SLC4A4: variants seen among roughly 807,000 people sequenced by gnomAD.
SLC4A4 encodes electrogenic sodium bicarbonate cotransporter 1.
In SLC4A4, 27 loss-of-function variants were observed where a neutral mutation model predicts 111.5. The ratio of observed to expected loss-of-function variants is 0.24; its 90% CI spans 0.18 to 0.33. The LOEUF (loss-of-function observed/expected upper bound fraction) is 0.33, where lower values mean the gene tolerates loss of function less well. Among genes scored for constraint, SLC4A4 ranks in the 10% least tolerant of loss-of-function variants. The probability of loss-of-function intolerance (pLI) is 1.00; values close to 1 mark genes in which losing one functional copy is unlikely to be tolerated. For missense variants in SLC4A4, 909 were observed against 1,315.5 expected (o/e 0.69, Z 4.78); for synonymous variants, 443 against 463.4 (o/e 0.96, Z 0.57).
At chr4:71,486,027 C>T (rs1370354042) in intron 14 of SLC4A4, among the ~76,000 whole-genome samples, 1 of 151,422 alleles carries the variant, frequency 6.6e-6, no homozygotes, top group Non-Finnish European at 1.5e-5. Flanking sequence ...AAGCTAGTGG[C>T]TCAGAGGGAC....
intron 16 of SLC4A4, among the ~76,000 whole-genome samples, chr4:71,517,654 TGG>T (rs1732533034): frequency 1.3e-5 from 2 of 152,198 alleles, no homozygotes; most frequent in South Asian, 4.1e-4. Flanking sequence ...TTTCCTTTAG[TGG>T]TGTCATGTTT....
At chr4:71,212,206 A>C (rs1392147194) in intron 1 of SLC4A4, among the ~76,000 whole-genome samples, 1 of 152,146 alleles carries the variant, frequency 6.6e-6, no homozygotes, top group East Asian at 1.9e-4. Flanking sequence ...TAAAATTTTG[A>C]GTTCTTTATC....
At chr4:71,350,905 A>T (rs997804652) in intron 5 of SLC4A4, among the ~76,000 whole-genome samples, 4 of 152,128 alleles carry the variant, frequency 2.6e-5, no homozygotes, top group African/African-American at 9.7e-5. Flanking sequence ...TCCAGTGCTC[A>T]CCTGGTTATG....
At chr4:71,209,978 C>T (rs1309669844) in intron 1 of SLC4A4, among the ~76,000 whole-genome samples, 1 of 152,190 alleles carries the variant, frequency 6.6e-6, no homozygotes, top group Non-Finnish European at 1.5e-5. Flanking sequence ...AACATTTATA[C>T]ACTTTTCCGG....
chr4:71,357,801 C>T (rs1330169707), intron 6 of SLC4A4, among the ~76,000 whole-genome samples: 1 of 148,278 alleles, frequency 6.7e-6, no homozygotes, highest in Non-Finnish European at 1.5e-5. Context: ...GCACTGTATC[C>T]TATCTGTAGT....
intron 4 of SLC4A4, among the ~76,000 whole-genome samples, chr4:71,342,120 C>T (rs918620956): frequency 2.6e-5 from 4 of 152,178 alleles, no homozygotes; most frequent in African/African-American, 9.7e-5. Flanking sequence ...TTCCACTCCT[C>T]ATCTGTAATA....
chr4:71,265,557 C>G (rs1038705806), intron 3 of SLC4A4, among the ~76,000 whole-genome samples: 2 of 152,026 alleles, frequency 1.3e-5, no homozygotes, highest in South Asian at 2.1e-4. Context: ...AGAAAAATCA[C>G]TGGGTGAATG....
chr4:71,384,394 T>A (rs1166861723), intron 6 of SLC4A4, among the ~76,000 whole-genome samples: 1 of 152,178 alleles, frequency 6.6e-6, no homozygotes, highest in African/African-American at 2.4e-5. Context: ...AGGCTACTGC[T>A]AGAGTTGTGG....
At chr4:71,400,727 G>A (rs1279679239) in intron 7 of SLC4A4, among the ~76,000 whole-genome samples, 1 of 151,966 alleles carries the variant, frequency 6.6e-6, no homozygotes, top group African/African-American at 2.4e-5. Context: ...CTACTATTTT[G>A]GTAACTTCAA....
intron 12 of SLC4A4, among the ~76,000 whole-genome samples, chr4:71,458,658 G>T (rs1726518307): frequency 6.6e-6 from 1 of 152,064 alleles, no homozygotes; most frequent in Non-Finnish European, 1.5e-5. Context: ...ACATAAAGCT[G>T]TGCTGAGAAT....
intron 1 of SLC4A4, among the ~76,000 whole-genome samples, chr4:71,203,089 A>G (rs185450909): frequency 1.8e-4 from 27 of 152,240 alleles, no homozygotes; most frequent in Admixed American, 9.2e-4. Flanking sequence ...TATGGATAAA[A>G]GATTTGAGGT....
chr4:71,210,619 T>A lies in SLC4A4; in HGVS notation c.-2+23218T>A, dbSNP rs146082653. ...CCCCACACTTACCCCAAGGAAAATC[T>A]TAGGGAAATTAACACAACTAAGGAG... On this transcript the variant is annotated intron_variant, in intron 1 of 25. Coordinates refer to ENST00000264485, the MANE Select transcript of SLC4A4 (RefSeq NM_001098484.3). Among the ~76,000 whole-genome samples, 55 of 152,348 alleles carry A rather than the reference T, an allele frequency of 3.6e-4. No individual in the cohort carries two copies. In the East Asian group the frequency reaches 5.2e-3, roughly 14 times the overall value.
upstream of SLC4A4, among the ~76,000 whole-genome samples, chr4:71,186,523 A>G (rs1745454923): frequency 6.6e-6 from 1 of 152,094 alleles, no homozygotes; most frequent in Non-Finnish European, 1.5e-5. Flanking sequence ...CTGGGAGGCA[A>G]GAGCGGCCGG....
intron 15 of SLC4A4, among the ~76,000 whole-genome samples, chr4:71,487,881 T>C (rs968817681): frequency 9.2e-5 from 14 of 151,570 alleles, no homozygotes; most frequent in Non-Finnish European, 3.0e-5. Flanking sequence ...CTTGACTGCT[T>C]TTTTTGCTGT....
chr4:71,171,493 G>T (rs1048288182), intron 2 of SLC4A4, among the ~76,000 whole-genome samples: 1 of 152,152 alleles, frequency 6.6e-6, no homozygotes, highest in Non-Finnish European at 1.5e-5. Context: ...TAGAACAGGG[G>T]TAATTTTTAT....
At chr4:71,494,552 T>G (rs965828147) in intron 15 of SLC4A4, among the ~76,000 whole-genome samples, 14 of 152,016 alleles carry the variant, frequency 9.2e-5, no homozygotes, top group African/African-American at 3.4e-4. Flanking sequence ...TGGTTTCAAG[T>G]GCTCCTCCTG....
chr4:71,472,143 C>G (rs538971467), intron 13 of SLC4A4, among the ~76,000 whole-genome samples: 1 of 152,056 alleles, frequency 6.6e-6, no homozygotes, highest in South Asian at 2.1e-4. Flanking sequence ...TACTACTTAT[C>G]CTTGAACACC....
At chr4:71,135,816 A>T (rs1315061668) in intron 2 of SLC4A4, among the ~76,000 whole-genome samples, 3 of 152,022 alleles carry the variant, frequency 2.0e-5, no homozygotes, top group African/African-American at 7.2e-5. Context: ...AAGTGAGATC[A>T]TGTGGTATCT....
chr4:71,300,557 C>T, intron 3 of SLC4A4: 2 of 266,010 alleles, frequency 7.5e-6, no homozygotes, highest in Non-Finnish European at 1.5e-5. Flanking sequence ...AGGAGCACAC[C>T]AAAGGTGTAG....
Sources: allele counts gnomAD v4.1 joint callset (sites outside exome capture counted in the v4.1 genomes callset), GRCh38; gene constraint gnomAD v4.1.1; transcripts MANE v1.5; gene names NCBI Gene and HGNC (gene_info 2026-07-23, HGNC 2026-07-21).